BAIAP2: variants seen among roughly 807,000 people sequenced by gnomAD.
BAIAP2 encodes BAR/IMD domain-containing adapter protein 2.
A neutral mutation model predicts 63.0 loss-of-function variants in BAIAP2; 18 were observed. The ratio of observed to expected loss-of-function variants is 0.29; its 90% confidence interval spans 0.20 to 0.42. BAIAP2 has a LOEUF of 0.42. Ranked by LOEUF, BAIAP2 falls within the 10% of genes least tolerant of loss-of-function variation. The pLI is 1.00. For missense variants in BAIAP2, 610 were observed against 734.3 expected (o/e 0.83, Z 1.96); for synonymous variants, 386 against 307.6 (o/e 1.25, Z -2.67).
intron 1 of BAIAP2, among the ~76,000 whole-genome samples, chr17:81,041,370 A>G (rs2047048377): frequency 6.6e-6 from 1 of 152,078 alleles, no homozygotes; most frequent in African/African-American, 2.4e-5. Context: ...TCTGATGGGC[A>G]GGGGTGGGAT....
intron 1 of BAIAP2, among the ~76,000 whole-genome samples, chr17:81,047,218 C>T (rs1049886092): frequency 5.3e-5 from 8 of 152,132 alleles, no homozygotes; most frequent in African/African-American, 1.4e-4. Context: ...AGAGAGGGAC[C>T]GGGCTGGCTG....
At chr17:81,113,723 G>A (rs1192887176) in intron 13 of BAIAP2, among the ~76,000 whole-genome samples, 1 of 152,110 alleles carries the variant, frequency 6.6e-6, no homozygotes, top group Non-Finnish European at 1.5e-5. Flanking sequence ...CGCTCCACCT[G>A]GTCCCACTGT....
intron 13 of BAIAP2, among the ~76,000 whole-genome samples, chr17:81,111,133 C>T (rs1159424594): frequency 6.6e-6 from 1 of 152,210 alleles, no homozygotes; most frequent in East Asian, 1.9e-4. Flanking sequence ...GGGTCCCCTC[C>T]TTGGGTTCAT....
At chr17:81,110,934 G>C (rs1229012898) in intron 13 of BAIAP2, 2 of 1,613,810 alleles carry the variant, frequency 1.2e-6, no homozygotes, top group East Asian at 2.2e-5. Context: ...GAAGTGGCCA[G>C]ATTCTGAGCC....
At chr17:81,055,281 C>T (rs2049285076) in intron 2 of BAIAP2, among the ~76,000 whole-genome samples, 1 of 146,640 alleles carries the variant, frequency 6.8e-6, no homozygotes. Flanking sequence ...CTGGCACTGC[C>T]CTCCTTCTCA....
At chr17:81,035,773 CCGCGGTCGG>C (rs1183004160) in intron 1 of BAIAP2, among the ~76,000 whole-genome samples, 7 of 152,108 alleles carry the variant, frequency 4.6e-5, no homozygotes, top group Non-Finnish European at 1.0e-4. Context: ...TGTCTGAAGG[CCGCGGTCGG>C]CGCGGTGGCA....
At chr17:81,056,044 C>T (rs1568085841) in intron 2 of BAIAP2, among the ~76,000 whole-genome samples, 1 of 152,120 alleles carries the variant, frequency 6.6e-6, no homozygotes, top group Non-Finnish European at 1.5e-5. Context: ...TGGTGCACCC[C>T]AGTTGTTGGG....
At chr17:81,097,032 T>C in intron 6 of BAIAP2, among the ~76,000 whole-genome samples, 1 of 152,078 alleles carries the variant, frequency 6.6e-6, no homozygotes, top group East Asian at 1.9e-4. Context: ...GGCCTCAGCA[T>C]GGAGCAGAGC....
chr17:81,043,384 C>T (rs2047354053), intron 1 of BAIAP2, among the ~76,000 whole-genome samples: 1 of 152,254 alleles, frequency 6.6e-6, no homozygotes, highest in Middle Eastern at 3.2e-3. Context: ...CTCCACCTGT[C>T]CTGCTCCTGG....
At chr17:81,114,569 T>A (rs1182467567) in intron 13 of BAIAP2, among the ~76,000 whole-genome samples, 2 of 152,226 alleles carry the variant, frequency 1.3e-5, no homozygotes, top group African/African-American at 2.4e-5. Flanking sequence ...GTGCCAATGC[T>A]TAGACGCCAT....
chr17:81,066,851 G>A (rs2051562755), intron 3 of BAIAP2, among the ~76,000 whole-genome samples: 1 of 152,212 alleles, frequency 6.6e-6, no homozygotes, highest in Non-Finnish European at 1.5e-5. Context: ...TCCTGCAGGT[G>A]GAGGCCGCAG....
intron 3 of BAIAP2, among the ~76,000 whole-genome samples, chr17:81,074,067 G>A (rs951371071): frequency 3.9e-5 from 6 of 152,260 alleles, no homozygotes; most frequent in Admixed American, 6.5e-5. Flanking sequence ...GCTTGTCAAT[G>A]GCATCGTCGG....
intron 1 of BAIAP2, among the ~76,000 whole-genome samples, chr17:81,039,970 G>A (rs1224048029): frequency 6.6e-6 from 1 of 152,098 alleles, no homozygotes; most frequent in South Asian, 2.1e-4. Context: ...CAACCCCAGC[G>A]TCACTGCAGG....
Position 81,081,129 on chromosome 17 carries a change from C to T in BAIAP2, c.218-3703C>T, listed in dbSNP as rs145595051. Reference sequence around the variant, plus strand: ...GCCAGTTCCCAGTGTCCAAGGGGCCCGAGAGCTGGGAGGTGGATCCAGGAT... The same window carrying T: ...GCCAGTTCCCAGTGTCCAAGGGGCCTGAGAGCTGGGAGGTGGATCCAGGAT... On this transcript the variant is annotated intron_variant, in intron 3 of 13. Coordinates refer to ENST00000428708, the MANE Select transcript of BAIAP2 (RefSeq NM_001144888.2). Among the ~76,000 whole-genome samples, 285 of 152,284 alleles carry T rather than the reference C, an allele frequency of 1.9e-3. 1 individual carries two copies. Among genetic ancestry groups the T allele is most frequent in the African/African-American group, 6.4e-3 (265 of 41,540 alleles).
intron 4 of BAIAP2, 137 bp from the exon 5 acceptor site, chr17:81,085,517 A>G (rs746657324): frequency 2.7e-6 from 2 of 730,580 alleles, no homozygotes; most frequent in South Asian, 1.5e-5. Context: ...ACAGCTCATC[A>G]GTCAGGGGGA....
intron 1 of BAIAP2, among the ~76,000 whole-genome samples, chr17:81,036,316 T>G (rs1288442372): frequency 1.3e-5 from 2 of 152,218 alleles, no homozygotes; most frequent in Non-Finnish European, 2.9e-5. Flanking sequence ...GTCTGCAGGT[T>G]CAGTGACAGG....
chr17:81,047,038 T>C (rs2047914664), intron 1 of BAIAP2, among the ~76,000 whole-genome samples: 1 of 152,082 alleles, frequency 6.6e-6, no homozygotes, highest in Non-Finnish European at 1.5e-5. Context: ...GGAGCTGTGC[T>C]GGTCCGTGGG....
At chr17:81,050,088 AGGGGTG>A (rs1283552491) in intron 1 of BAIAP2, among the ~76,000 whole-genome samples, 1 of 152,034 alleles carries the variant, frequency 6.6e-6, no homozygotes, top group African/African-American at 2.4e-5. Flanking sequence ...AACCCGGAGG[AGGGGTG>A]GGTGGCACCT....
chr17:81,061,592 C>T (rs532016872), intron 3 of BAIAP2, among the ~76,000 whole-genome samples: 2 of 152,314 alleles, frequency 1.3e-5, no homozygotes, highest in South Asian at 2.1e-4. Context: ...TCCTGCTGCG[C>T]GCGTCAGGAA....
Sources: allele counts gnomAD v4.1 joint callset (sites outside exome capture counted in the v4.1 genomes callset), GRCh38; gene constraint gnomAD v4.1.1; transcripts MANE v1.5; gene names NCBI Gene and HGNC (gene_info 2026-07-23, HGNC 2026-07-21).